The following EFNA5 variants were observed in gnomAD, a reference collection of about 807,000 sequenced individuals.
EFNA5 encodes the protein ephrin-A5.
EFNA5 carries 5 observed loss-of-function variants against 22.9 expected under a neutral mutation model. The ratio of observed to expected loss-of-function variants is 0.22; its 90% CI spans 0.11 to 0.46. The LOEUF is 0.46. EFNA5 is among the 20% of genes least tolerant of loss of function. The pLI, the probability that EFNA5 is intolerant of heterozygous loss-of-function variation, is 0.99. For synonymous variants in EFNA5, 113 were observed against 112.2 expected (o/e 1.01, Z -0.04); for missense variants, 237 against 293.3 (o/e 0.81, Z 1.40).
chr5:107,481,204 T>C (rs1373649282), intron 1 of EFNA5, among the ~76,000 whole-genome samples: 2 of 152,164 alleles, frequency 1.3e-5, no homozygotes, highest in African/African-American at 4.8e-5. Flanking sequence ...CCCTCGGTTC[T>C]CCTGTATTCA....
intron 2 of EFNA5, among the ~76,000 whole-genome samples, chr5:107,426,810 G>A (rs1748820895): frequency 6.6e-6 from 1 of 152,180 alleles, no homozygotes; most frequent in African/African-American, 2.4e-5. Flanking sequence ...TTCCTCCACT[G>A]AAAATGTGGA....
At chr5:107,414,911 A>G (rs1748463859) in intron 2 of EFNA5, among the ~76,000 whole-genome samples, 1 of 152,196 alleles carries the variant, frequency 6.6e-6, no homozygotes, top group Admixed American at 6.5e-5. Flanking sequence ...AAGGATATTA[A>G]TATCTCTGAG....
chr5:107,569,559 TTATATATATATATATATATATATATA>T (rs70996962), intron 1 of EFNA5, among the ~76,000 whole-genome samples: 528 of 42,494 alleles, frequency 0.012, 7 homozygotes, highest in East Asian at 0.031. Context: ...ATATATATAT[TTATATATATATATATATATATATATA>T]TATATATATA....
chr5:107,517,123 A>C (rs1467423982), intron 1 of EFNA5, among the ~76,000 whole-genome samples: 2 of 152,016 alleles, frequency 1.3e-5, no homozygotes, highest in African/African-American at 2.4e-5. Context: ...CATGAATTTT[A>C]TGGTATGTAA....
chr5:107,506,563 TGAGCAG>T (rs1281583404), intron 1 of EFNA5, among the ~76,000 whole-genome samples: 1 of 152,144 alleles, frequency 6.6e-6, no homozygotes, highest in Non-Finnish European at 1.5e-5. Flanking sequence ...TGGGGCCAGA[TGAGCAG>T]GAGCAGGAGC....
At chr5:107,550,853 T>A (rs1431706358) in intron 1 of EFNA5, among the ~76,000 whole-genome samples, 1 of 152,174 alleles carries the variant, frequency 6.6e-6, no homozygotes, top group Non-Finnish European at 1.5e-5. Flanking sequence ...GTATTCTAGG[T>A]AGTATTCCTG....
intron 1 of EFNA5, among the ~76,000 whole-genome samples, chr5:107,518,383 T>C (rs546518543): frequency 5.6e-4 from 85 of 151,968 alleles, no homozygotes; most frequent in Non-Finnish European, 9.1e-4. Context: ...TTGGTGTTAG[T>C]AGGAGAGTTG....
intron 1 of EFNA5, among the ~76,000 whole-genome samples, chr5:107,444,500 G>A (rs546285808): frequency 6.6e-6 from 1 of 152,304 alleles, no homozygotes; most frequent in East Asian, 1.9e-4. Flanking sequence ...ACATGAAAAA[G>A]TATTTCACAT....
chr5:107,545,485 C>G (rs974537659), intron 1 of EFNA5, among the ~76,000 whole-genome samples: 2 of 152,156 alleles, frequency 1.3e-5, no homozygotes, highest in Admixed American at 1.3e-4. Flanking sequence ...TGAGCCCTAA[C>G]CCTGTTTCAT....
At chr5:107,470,611 A>G (rs1263812679) in intron 1 of EFNA5, among the ~76,000 whole-genome samples, 4 of 152,168 alleles carry the variant, frequency 2.6e-5, no homozygotes, top group Non-Finnish European at 5.9e-5. Flanking sequence ...TGTGCCTCTA[A>G]ATTCTATATC....
intron 1 of EFNA5, among the ~76,000 whole-genome samples, chr5:107,513,348 A>T (rs1250858378): frequency 1.3e-5 from 2 of 152,168 alleles, no homozygotes; most frequent in African/African-American, 2.4e-5. Context: ...TAATAATAAA[A>T]TGTGATGAGC....
At chr5:107,664,507 T>C (rs1164772255) in intron 1 of EFNA5, among the ~76,000 whole-genome samples, 1 of 152,180 alleles carries the variant, frequency 6.6e-6, no homozygotes, top group East Asian at 1.9e-4. Flanking sequence ...AAATATAAAT[T>C]TGATAATATA....
chr5:107,561,378 T>C (rs910526426), intron 1 of EFNA5, among the ~76,000 whole-genome samples: 5 of 152,128 alleles, frequency 3.3e-5, no homozygotes, highest in East Asian at 1.9e-4. Context: ...AAGTACACTT[T>C]TTTTTCTTGA....
intron 1 of EFNA5, among the ~76,000 whole-genome samples, chr5:107,476,071 G>T (rs1278769521): frequency 1.2e-4 from 4 of 34,552 alleles, no homozygotes; most frequent in African/African-American, 1.1e-3. Context: ...TTTTTTTTGA[G>T]ACAGAGTCTT....
At chr5:107,481,506 T>C (rs1156941906) in intron 1 of EFNA5, among the ~76,000 whole-genome samples, 2 of 152,194 alleles carry the variant, frequency 1.3e-5, no homozygotes, top group African/African-American at 2.4e-5. Flanking sequence ...GGAATGCTGA[T>C]GGTTGGCAGT....
At chr5:107,384,129 C>T (rs1265633747) in intron 4 of EFNA5, among the ~76,000 whole-genome samples, 1 of 152,092 alleles carries the variant, frequency 6.6e-6, no homozygotes, top group African/African-American at 2.4e-5. Context: ...TAAATCTGAG[C>T]AATTTCAGAA....
intron 2 of EFNA5, among the ~76,000 whole-genome samples, chr5:107,400,998 T>C (rs1748067823): frequency 1.3e-5 from 2 of 152,226 alleles, no homozygotes; most frequent in Non-Finnish European, 2.9e-5. Flanking sequence ...TAAATTACAA[T>C]TATAACTTTA....
intron 1 of EFNA5, among the ~76,000 whole-genome samples, chr5:107,471,123 C>G (rs1750129512): frequency 6.6e-6 from 1 of 152,118 alleles, no homozygotes; most frequent in Non-Finnish European, 1.5e-5. Context: ...GGTTAGGAAC[C>G]CCAGTGACTC....
At chr5:107,580,577 G>A (rs1329539070) in intron 1 of EFNA5, among the ~76,000 whole-genome samples, 1 of 151,934 alleles carries the variant, frequency 6.6e-6, no homozygotes, top group Non-Finnish European at 1.5e-5. Context: ...ACAAAAATTA[G>A]CCGGGCATGG....
Sources: gnomAD v4.1 joint callset for allele counts (sites outside exome capture counted in the v4.1 genomes callset) on GRCh38, gnomAD v4.1.1 for gene constraint, MANE v1.5 for transcripts, NCBI Gene and HGNC (gene_info 2026-07-23, HGNC 2026-07-21) for gene names.